The following HMCN2 variants were observed in gnomAD, a reference collection of about 807,000 sequenced individuals.
The protein encoded by HMCN2 is hemicentin-2.
A neutral mutation model predicts 377.5 loss-of-function variants in HMCN2; 325 were observed. That is an observed-to-expected ratio of 0.86 (90% CI 0.79 to 0.94). The LOEUF is 0.94. Among genes scored for constraint, HMCN2 ranks in the 40% least tolerant of loss-of-function variants. The pLI is 0.00. For synonymous variants in HMCN2, 2,007 were observed against 2,046.8 expected (o/e 0.98, Z 0.53); for missense variants, 4,543 against 4,725.3 (o/e 0.96, Z 1.13).
chr9:130,403,489 C>T (rs1022900309), intron 79 of HMCN2, among the ~76,000 whole-genome samples, 161 bp downstream of exon 79: 1 of 152,178 alleles, frequency 6.6e-6, no homozygotes, highest in Admixed American at 6.5e-5. Flanking sequence ...GCTCTGGCCT[C>T]CCCCTCCCCA....
At position 130,361,060 on chromosome 9, in the gene HMCN2, A is replaced by C. The variant is rs1840363068; in HGVS notation, c.5950+456A>C. Among the ~76,000 whole-genome samples the C allele has an allele frequency of 6.6e-6, 1 of 152,018 alleles. No homozygotes were observed. Among genetic ancestry groups the C allele is most frequent in the Non-Finnish European group, 1.5e-5 (1 of 68,006 alleles). Reference sequence around the variant, plus strand: ...CTACCCATCTACCCATTCACCATCCATTCAGTCATTCAACTACCCATTCTT... The same window carrying C: ...CTACCCATCTACCCATTCACCATCCCTTCAGTCATTCAACTACCCATTCTT... On this transcript the variant is annotated intron_variant, in intron 38 of 97. Coordinates refer to ENST00000683500, the MANE Select transcript of HMCN2 (RefSeq NM_001291815.2). The surrounding 1 kb of genome is among the most constrained non-coding windows in gnomAD (Gnocchi z 4.8).
Position 130,391,089 on chromosome 9 carries a change from G to A in HMCN2, c.9636G>A (p.Glu3212=). 1.0e-6 allele frequency: 1 copy of A among 987,850 alleles called. No individual in the cohort carries two copies. The highest frequency in any genetic ancestry group is 1.2e-6 in the Non-Finnish European group (1 of 830,238). The allele number at this position is 987,850 out of a possible 1,614,324, so 61.2% of individuals were successfully genotyped here. The change falls in exon 63 of 98, where the codon GAG becomes GAA. Residue 3212 remains glutamate (E), a synonymous_variant. Transcript: ENST00000683500. ...YTCVAENTQA[E]ARKDFVVAVL... ...GCGTGGCTGAGAACACCCAGGCTGA[G>A]GCCCGCAAGGACTTCGTGGTAGCAG... is the stretch of plus-strand genomic sequence containing the variant.
At position 130,296,685 on chromosome 9, in the gene HMCN2, T is replaced by C. The variant is rs782754591; in HGVS notation, c.903T>C (p.Ser301=). The C allele has an allele frequency of 3.0e-5, 14 of 471,024 alleles. No individual in the cohort carries two copies. The Middle Eastern group carries it at 2.3e-3, about 76-fold the overall frequency. 29.2% of individuals were successfully genotyped at this position (471,024 alleles called of 1,614,324 possible). A position where few individuals can be genotyped will look rare whatever the true frequency, so the allele number is the denominator to read the frequency against. The part of the protein sequence containing the change: ...PGLWSIKVYS[S]GRHSVRITGV... ...TGGGCCTGCGCTAGGTCTATAGCAG[T>C]GGCCGCCATTCAGTGAGGATCACAG... The change falls in exon 7 of 98, where the codon AGT becomes AGC. Residue 301 remains serine (S), a synonymous_variant. Transcript: ENST00000683500.
rs1436695583 is a variant in HMCN2, at chr9:130,353,158, G to A, written c.4817G>A (p.Ser1606Asn). Reference sequence around the variant, plus strand: ...GCCGGCGTCTACACCTGCAAGGCCAGCAATGCTGTGGGGGCCGCAGAGAAG... The same window carrying A: ...GCCGGCGTCTACACCTGCAAGGCCAACAATGCTGTGGGGGCCGCAGAGAAG... ...SDAGVYTCKA[S>N]NAVGAAEKAT... Residue 1606 changes from serine to asparagine, a missense_variant, in exon 31 of 98, where the codon AGC becomes AAC. Physicochemically the swap from Ser to Asn is conservative, Grantham distance 46. Around this residue, in one of 5 missense-constraint regions of HMCN2, gnomAD observed 1,032 missense variants for 1,285.1 expected, o/e 0.80. Transcript: ENST00000683500. The A allele has an allele frequency of 1.5e-6, 2 of 1,304,162 alleles. No homozygotes were observed. Among genetic ancestry groups the A allele is most frequent in the South Asian group, 1.2e-5 (1 of 81,030 alleles). 80.8% of individuals were successfully genotyped at this position (1,304,162 alleles called of 1,614,324 possible).
intron 7 of HMCN2, among the ~76,000 whole-genome samples, chr9:130,297,523 T>C (rs1310101780): frequency 6.6e-6 from 1 of 152,168 alleles, no homozygotes; most frequent in Non-Finnish European, 1.5e-5. Context: ...GTCCCTGCCA[T>C]GGGGCCATTT....
intron 40 of HMCN2, 77 bp downstream of exon 40, chr9:130,363,067 CA>C (rs1194162546): frequency 2.8e-5 from 27 of 978,428 alleles, no homozygotes; most frequent in Non-Finnish European, 3.2e-5. Flanking sequence ...CAGTCACTTC[CA>C]AAAGGAGAGA....
At position 130,308,940 on chromosome 9, in the gene HMCN2, G is replaced by C. The variant is rs1837055073; in HGVS notation, c.2201-972G>C. Among the ~76,000 whole-genome samples, 1 of 152,220 alleles carries C rather than the reference G, an allele frequency of 6.6e-6. No individual in the cohort carries two copies. Among genetic ancestry groups the C allele is most frequent in the African/African-American group, 2.4e-5 (1 of 41,456 alleles). ...GGAGTGGTGTTCGCCAGGGACTGGGGAGAGGAGAACACCAGGAGTTAGTGT... is the reference window on the plus strand; with the variant it reads ...GGAGTGGTGTTCGCCAGGGACTGGGCAGAGGAGAACACCAGGAGTTAGTGT... On this transcript the variant is annotated intron_variant, in intron 14 of 97. Coordinates refer to ENST00000683500, the MANE Select transcript of HMCN2 (RefSeq NM_001291815.2). This position sits in a 1 kb window ranked among gnomAD's most constrained non-coding sequence, Gnocchi z 4.1.
In HMCN2 at chr9:130,357,998, G is replaced by T; in HGVS notation, c.5580+10G>T. ...TGGGGGGAACCTACAGGTATGTGCA[G>T]GGGCCCCAGGGCTGGCAAGCCAGCT... On this transcript the variant is annotated intron_variant, in intron 35 of 97. Coordinates refer to ENST00000683500, the MANE Select transcript of HMCN2 (RefSeq NM_001291815.2). 7.7e-7 allele frequency: 1 copy of T among 1,299,922 alleles called. No homozygotes were observed. The highest frequency in any genetic ancestry group is 1.0e-6 in the Non-Finnish European group (1 of 986,134). The allele number at this position is 1,299,922 out of a possible 1,614,324, so 80.5% of individuals were successfully genotyped here.
chr9:130,312,654 C>CT (rs1416594994), intron 15 of HMCN2, among the ~76,000 whole-genome samples: 1 of 143,174 alleles, frequency 7.0e-6, no homozygotes, highest in African/African-American at 2.6e-5. Flanking sequence ...CCCTCCCTCC[C>CT]TTCCTTTCTT....
chr9:130,286,129 CT>C (rs781862863), intron 3 of HMCN2, 58 bp from the exon 4 acceptor site: 1 of 465,196 alleles, frequency 2.1e-6, no homozygotes, highest in Non-Finnish European at 4.5e-6. Flanking sequence ...GGTCCTGCTG[CT>C]CACCCCTGAA....
At chr9:130,272,113 G>T (rs542139494) in intron 1 of HMCN2, among the ~76,000 whole-genome samples, 1 of 149,250 alleles carries the variant, frequency 6.7e-6, no homozygotes, top group South Asian at 2.2e-4. Context: ...GGACCCCCAC[G>T]GGAAACAGCT....
In HMCN2 at chr9:130,434,075, G is replaced by A; in HGVS notation, c.*382G>A. On this transcript the variant is annotated 3_prime_UTR_variant, in exon 98 of 98. Coordinates refer to ENST00000683500, the MANE Select transcript of HMCN2 (RefSeq NM_001291815.2). ...AGCTGTCGCCCGGCCACACCTGGTG[G>A]TGTCATTCTGAACCCTGTTGCAATA... The A allele has an allele frequency of 4.8e-6, 1 of 207,974 alleles. No individual in the cohort carries two copies. 12.9% of individuals were successfully genotyped at this position (207,974 alleles called of 1,614,324 possible). A position where few individuals can be genotyped will look rare whatever the true frequency, so the allele number is the denominator to read the frequency against.
intron 22 of HMCN2, among the ~76,000 whole-genome samples, chr9:130,328,562 C>T (rs1838266054): frequency 6.6e-6 from 1 of 151,962 alleles, no homozygotes; most frequent in South Asian, 2.1e-4. Flanking sequence ...CTCCCTTGCC[C>T]TCTTCACTTC....
chr9:130,333,682 C>T (rs1423512335), intron 22 of HMCN2, among the ~76,000 whole-genome samples: 1 of 152,184 alleles, frequency 6.6e-6, no homozygotes, highest in Non-Finnish European at 1.5e-5. Context: ...TCTCCGCTGC[C>T]GCCTCCCCTT....
At chr9:130,372,551 A>G (rs1302717425) in intron 47 of HMCN2, 144 bp downstream of exon 47, 2 of 165,628 alleles carry the variant, frequency 1.2e-5, no homozygotes, top group East Asian at 3.8e-4. Flanking sequence ...AGCCCTGTAC[A>G]CTTTGCCTCA....
chr9:130,311,495 C>T (rs1837238838), intron 15 of HMCN2, among the ~76,000 whole-genome samples: 1 of 152,174 alleles, frequency 6.6e-6, no homozygotes, highest in African/African-American at 2.4e-5. Flanking sequence ...CAGCATCAAC[C>T]TTTGTGTTGC....
At position 130,303,062 on chromosome 9, in the gene HMCN2, G is replaced by A. The variant is rs1367147146; in HGVS notation, c.1421+61G>A. On this transcript the variant is annotated intron_variant, in intron 9 of 97. Transcript: ENST00000683500. The surrounding 1 kb of genome is among the most constrained non-coding windows in gnomAD (Gnocchi z 5.2). ...CAGGGCTCCTGGCTGCTGAGGCCCT[G>A]GAGGGATCTCAGGGGAGTGGGTGGC... 1.2e-5 allele frequency: 5 copies of A among 421,090 alleles called. No homozygotes were observed. The highest frequency in any genetic ancestry group is 1.0e-4 in the African/African-American group (5 of 48,988). 26.1% of individuals were successfully genotyped at this position (421,090 alleles called of 1,614,324 possible).
rs899277798 is a variant in HMCN2 at position 130,418,841 on chromosome 9, G to A, written c.13031G>A (p.Cys4344Tyr). The change falls in exon 86 of 98, where the codon TGC (cysteine) becomes TAC (tyrosine). Residue 4344 changes from cysteine to tyrosine, a missense_variant. By Grantham distance (194) the Cys-to-Tyr change is radical. Around this residue, in one of 5 missense-constraint regions of HMCN2, gnomAD observed 1,155 missense variants for 1,157.7 expected, o/e 1.00. Coordinates refer to ENST00000683500, the MANE Select transcript of HMCN2 (RefSeq NM_001291815.2). ...TCTGGGGATGACGTGGCCCTGCGGT[G>A]CCAGGCCACTGGAGAGCCCACACCC... ...VRSGDDVALR[C>Y]QATGEPTPTI... 3.2e-6 allele frequency: 5 copies of A among 1,544,050 alleles called. No individual in the cohort carries two copies. The highest frequency in any genetic ancestry group is 4.4e-6 in the Non-Finnish European group (5 of 1,142,998).
intron 4 of HMCN2, 80 bp downstream of exon 4, chr9:130,286,390 G>A (rs1835414986): frequency 4.5e-6 from 2 of 446,552 alleles, no homozygotes; most frequent in Non-Finnish European, 9.3e-6. Context: ...GTGGCTCCAG[G>A]TGGTTGAATG....
Sources: allele counts gnomAD v4.1 joint callset (sites outside exome capture counted in the v4.1 genomes callset), GRCh38; gene constraint gnomAD v4.1.1; regional missense constraint gnomAD v4.1.1; non-coding constraint Gnocchi (gnomAD v3.1); transcripts MANE v1.5; gene names NCBI Gene and HGNC (gene_info 2026-07-23, HGNC 2026-07-21).